The following MARK1 variants were observed in gnomAD, a reference collection of about 807,000 sequenced individuals.
MARK1 encodes the protein serine/threonine-protein kinase MARK1.
In MARK1, 40 loss-of-function variants were observed where a neutral mutation model predicts 96.3. The ratio of observed to expected loss-of-function variants is 0.42; its 90% CI spans 0.32 to 0.54. MARK1 has a LOEUF of 0.54. Ranked by LOEUF, MARK1 falls within the 20% of genes least tolerant of loss-of-function variation. The pLI, the probability that MARK1 is intolerant of heterozygous loss-of-function variation, is 0.16. For synonymous variants in MARK1, 317 were observed against 341.2 expected (o/e 0.93, Z 0.78); for missense variants, 719 against 984.6 (o/e 0.73, Z 3.61).
intron 9 of MARK1, chr1:220,626,611 CA>C (rs1667352271): frequency 1.6e-5 from 6 of 366,942 alleles, no homozygotes; most frequent in South Asian, 1.3e-4. Context: ...CACTTGAGGT[CA>C]GAAGTTTGAC....
chr1:220,652,640 A>C (rs1393818092), intron 15 of MARK1, among the ~76,000 whole-genome samples: 1 of 152,208 alleles, frequency 6.6e-6, no homozygotes, highest in Non-Finnish European at 1.5e-5. Context: ...AGATTTCCCA[A>C]ATTCAGTACA....
intron 16 of MARK1, among the ~76,000 whole-genome samples, chr1:220,656,270 T>C (rs527466341): frequency 5.9e-5 from 9 of 152,348 alleles, no homozygotes; most frequent in African/African-American, 2.2e-4. Context: ...AGCAGAAATT[T>C]TTCCAATGTT....
At chr1:220,645,653 C>T (rs1281739104) in intron 13 of MARK1, among the ~76,000 whole-genome samples, 2 of 152,166 alleles carry the variant, frequency 1.3e-5, no homozygotes, top group Non-Finnish European at 2.9e-5. Flanking sequence ...CAAAAATCCT[C>T]AATAAAATAC....
Position 220,654,131 on chromosome 1 carries a change from GACAA to G in MARK1, c.1988+784_1988+787del, listed in dbSNP as rs1347065626. 6.6e-6 allele frequency among the ~76,000 whole-genome samples: 1 copy of G among 152,162 alleles called. No individual in the cohort carries two copies. The highest frequency in any genetic ancestry group is 1.5e-5 in the Non-Finnish European group (1 of 68,038). On this transcript the variant is annotated intron_variant, in intron 16 of 17. Coordinates refer to ENST00000366917, the MANE Select transcript of MARK1 (RefSeq NM_018650.5). This position sits in a 1 kb window ranked among gnomAD's most constrained non-coding sequence, Gnocchi z 4.0. ...GATTCTTATAGTCTTGTAAGAAGCAGACAAACAACTAGCCATGATATAAAGCAGA... is the reference window on the plus strand; with the variant it reads ...GATTCTTATAGTCTTGTAAGAAGCAGACAACTAGCCATGATATAAAGCAGA...
At chr1:220,605,078 G>A (rs1272693025) in intron 6 of MARK1, among the ~76,000 whole-genome samples, 3 of 152,112 alleles carry the variant, frequency 2.0e-5, no homozygotes, top group African/African-American at 7.2e-5. Context: ...AGATACATAT[G>A]TGTGTGTTAA....
At position 220,598,345 on chromosome 1, in the gene MARK1, A is replaced by G. The variant is rs1665510870; in HGVS notation, c.324A>G (p.Val108=). The G allele has an allele frequency of 1.7e-6, 1 of 604,352 alleles. No individual in the cohort carries two copies. The highest frequency in any genetic ancestry group is 2.9e-6 in the Non-Finnish European group (1 of 350,342). 37.4% of individuals were successfully genotyped at this position (604,352 alleles called of 1,614,324 possible). The change falls in exon 4 of 18, where the codon GTA becomes GTG. Residue 108 remains valine (V), a synonymous_variant. Transcript: ENST00000366917. ...PTSLQKLFRE[V]RIMKILNHPN... The stretch of plus-strand genomic sequence containing the variant: ...TTCTTTAACAGTTATTTCGAGAAGT[A>G]CGAATAATGAAGATACTGAATCATC...
intron 1 of MARK1, among the ~76,000 whole-genome samples, chr1:220,571,533 CAG>C (rs751775400): frequency 6.6e-5 from 10 of 151,990 alleles, no homozygotes; most frequent in Admixed American, 3.3e-4. Flanking sequence ...AATGCCAAAA[CAG>C]GGGAAAGAGG....
chr1:220,612,074 A>G (rs1367760108), intron 6 of MARK1, among the ~76,000 whole-genome samples: 1 of 152,242 alleles, frequency 6.6e-6, no homozygotes, highest in Non-Finnish European at 1.5e-5. Context: ...TATCAGTCAC[A>G]GTAGCTTTTG....
At chr1:220,656,174 C>A (rs902263552) in intron 16 of MARK1, among the ~76,000 whole-genome samples, 3 of 152,102 alleles carry the variant, frequency 2.0e-5, no homozygotes, top group African/African-American at 7.2e-5. Context: ...GCTGTTAGAG[C>A]CAGCTGCACC....
At chr1:220,656,166 T>A (rs766277709) in intron 16 of MARK1, among the ~76,000 whole-genome samples, 2 of 152,350 alleles carry the variant, frequency 1.3e-5, no homozygotes, top group Non-Finnish European at 2.9e-5. Flanking sequence ...CTGCATATGC[T>A]GTTAGAGCCA....
Position 220,618,721 on chromosome 1 carries a change from T to A in MARK1, c.875T>A (p.Leu292Ter). ...TGTGAAAATCTTCTGAAGAAATTAT[T>A]AGTCCTGAATCCAATAAAGAGAGGC... ...TDCENLLKKL[L>*]VLNPIKRGSL... Residue 292 changes from leucine (L) to a stop codon, truncating the protein, a stop_gained, in exon 9 of 18, where the codon TTA becomes TAA. Transcript: ENST00000366917. LOFTEE classifies it high-confidence loss of function. The surrounding 1 kb of genome is among the most constrained non-coding windows in gnomAD (Gnocchi z 4.6). 1 of 1,609,662 alleles carries A rather than the reference T, an allele frequency of 6.2e-7. No homozygotes were observed. Among genetic ancestry groups the A allele is most frequent in the Non-Finnish European group, 8.5e-7 (1 of 1,178,324 alleles).
intron 9 of MARK1, among the ~76,000 whole-genome samples, chr1:220,619,020 GAGA>G (rs1347656448): frequency 3.3e-5 from 5 of 152,198 alleles, no homozygotes; most frequent in Non-Finnish European, 5.9e-5. Flanking sequence ...CTTTTAGTTA[GAGA>G]AGGAGGAAAA....
At chr1:220,580,623 A>C (rs1664173304) in intron 2 of MARK1, among the ~76,000 whole-genome samples, 1 of 152,228 alleles carries the variant, frequency 6.6e-6, no homozygotes, top group African/African-American at 2.4e-5. Context: ...TACTGGGCAG[A>C]GCCTTAGATA....
intron 5 of MARK1, among the ~76,000 whole-genome samples, chr1:220,602,224 A>G (rs1307684952): frequency 6.6e-6 from 1 of 152,224 alleles, no homozygotes; most frequent in Admixed American, 6.5e-5. Context: ...TTAGAAAATC[A>G]AAGAAATCTT....
intron 7 of MARK1, among the ~76,000 whole-genome samples, chr1:220,616,685 G>A (rs1348109058): frequency 2.4e-3 from 4 of 1,650 alleles, no homozygotes; most frequent in Non-Finnish European, 0.01. Context: ...CTAAACAGTT[G>A]TCAAAAAGTC....
chr1:220,645,572 A>G (rs1339137093), intron 13 of MARK1, among the ~76,000 whole-genome samples: 1 of 152,196 alleles, frequency 6.6e-6, no homozygotes, highest in Non-Finnish European at 1.5e-5. Flanking sequence ...TGTGAGGCCA[A>G]CATCATCCTG....
chr1:220,643,262 C>T (rs1371126325), intron 13 of MARK1, among the ~76,000 whole-genome samples: 2 of 152,100 alleles, frequency 1.3e-5, no homozygotes, highest in East Asian at 1.9e-4. Context: ...GCTTAATGAC[C>T]TGGTGGAGCC....
chr1:220,649,351 C>T (rs6673196), intron 13 of MARK1, among the ~76,000 whole-genome samples: 2 of 151,898 alleles, frequency 1.3e-5, no homozygotes, highest in Admixed American at 6.6e-5. Flanking sequence ...TTAAGCCTCT[C>T]GAGTAGCTGG....
At chr1:220,556,771 C>A (rs1400523090) in intron 1 of MARK1, among the ~76,000 whole-genome samples, 1 of 152,106 alleles carries the variant, frequency 6.6e-6, no homozygotes, top group Admixed American at 6.6e-5. Flanking sequence ...AAATTAAAAT[C>A]TCAGTAGAAT....
Sources: gnomAD v4.1 joint callset for allele counts (sites outside exome capture counted in the v4.1 genomes callset) on GRCh38, gnomAD v4.1.1 for gene constraint, Gnocchi (gnomAD v3.1) non-coding constraint, MANE v1.5 for transcripts, NCBI Gene and HGNC (gene_info 2026-07-23, HGNC 2026-07-21) for gene names.